Variants in ZNF385D observed in about 807,000 individuals in gnomAD.
ZNF385D encodes zinc finger protein 385D, also known as zinc finger protein 659.
ZNF385D carries 15 observed loss-of-function variants against 35.8 expected under a neutral mutation model. The ratio of observed to expected loss-of-function variants is 0.42; its 90% CI spans 0.28 to 0.64. The LOEUF (loss-of-function observed/expected upper bound fraction) is 0.64, where lower values mean the gene tolerates loss of function less well. Among genes scored for constraint, ZNF385D ranks in the 30% least tolerant of loss-of-function variants. The pLI, the probability that ZNF385D is intolerant of heterozygous loss-of-function variation, is 0.23. For missense variants in ZNF385D, 474 were observed against 494.6 expected (o/e 0.96, Z 0.39); for synonymous variants, 212 against 186.8 (o/e 1.13, Z -1.10).
chr3:22,294,275 C>T (rs1702454157), intron 2 of ZNF385D, among the ~76,000 whole-genome samples: 1 of 151,940 alleles, frequency 6.6e-6, no homozygotes, highest in South Asian at 2.1e-4. Flanking sequence ...TTTTAGCTTC[C>T]CCACAATTTG....
At chr3:21,784,650 A>G (rs1176581960) in intron 3 of ZNF385D, among the ~76,000 whole-genome samples, 2 of 151,894 alleles carry the variant, frequency 1.3e-5, no homozygotes, top group African/African-American at 2.4e-5. Flanking sequence ...TAATTAATTA[A>G]TGTATTTTTA....
intron 3 of ZNF385D, among the ~76,000 whole-genome samples, chr3:21,889,126 A>G (rs1698705693): frequency 6.6e-6 from 1 of 152,208 alleles, no homozygotes; most frequent in Non-Finnish European, 1.5e-5. Context: ...AACAACTGAC[A>G]CTGAAATAGA....
chr3:21,689,574 T>A (rs1332818839), intron 1 of ZNF385D, among the ~76,000 whole-genome samples: 5 of 152,172 alleles, frequency 3.3e-5, no homozygotes, highest in African/African-American at 1.2e-4. Flanking sequence ...CATATGCATT[T>A]AGTTCACAGG....
intron 3 of ZNF385D, among the ~76,000 whole-genome samples, chr3:22,007,415 C>T (rs1354676862): frequency 6.6e-6 from 1 of 152,092 alleles, no homozygotes; most frequent in Non-Finnish European, 1.5e-5. Context: ...GTTTGTTTTC[C>T]AAATTTGCAA....
At chr3:21,725,680 G>A (rs1042608916) in intron 1 of ZNF385D, among the ~76,000 whole-genome samples, 4 of 152,098 alleles carry the variant, frequency 2.6e-5, no homozygotes, top group African/African-American at 9.7e-5. Context: ...TGAAATTGAT[G>A]AATAGTTAAT....
chr3:21,501,609 C>A (rs1010373035), intron 4 of ZNF385D, among the ~76,000 whole-genome samples: 1 of 152,196 alleles, frequency 6.6e-6, no homozygotes, highest in African/African-American at 2.4e-5. Context: ...TAATTGTCTG[C>A]ATGTTTTCAT....
intron 4 of ZNF385D, among the ~76,000 whole-genome samples, chr3:21,449,591 GC>G (rs1272550743): frequency 6.6e-6 from 1 of 152,094 alleles, no homozygotes; most frequent in Non-Finnish European, 1.5e-5. Context: ...AAATTTAAAA[GC>G]TAGCACTGTG....
intron 2 of ZNF385D, among the ~76,000 whole-genome samples, chr3:22,319,392 T>C (rs1276809903): frequency 6.6e-6 from 1 of 151,800 alleles, no homozygotes; most frequent in Non-Finnish European, 1.5e-5. Flanking sequence ...TTAAATTATA[T>C]GCAATATTGA....
chr3:21,975,949 G>A (rs1367343563), intron 3 of ZNF385D, among the ~76,000 whole-genome samples: 5 of 152,064 alleles, frequency 3.3e-5, no homozygotes, highest in Non-Finnish European at 7.4e-5. Context: ...TACTTGAAGG[G>A]TAATATGAAG....
intron 3 of ZNF385D, among the ~76,000 whole-genome samples, chr3:21,931,250 T>A (rs1030900958): frequency 3.3e-5 from 5 of 152,134 alleles, no homozygotes; most frequent in African/African-American, 1.2e-4. Flanking sequence ...ATATATAATT[T>A]TTTTACCCAC....
At chr3:21,562,788 A>T (rs2062998844) in intron 3 of ZNF385D, among the ~76,000 whole-genome samples, 1 of 151,304 alleles carries the variant, frequency 6.6e-6, no homozygotes. Flanking sequence ...ATCAAAGTTG[A>T]AGCTGTTGAG....
In ZNF385D at chr3:22,368,036, GA is replaced by G. The variant is rs574389485; in HGVS notation, c.106+4413del. Among the ~76,000 whole-genome samples the G allele has an allele frequency of 3.6e-4, 55 of 152,312 alleles. No homozygotes were observed. The East Asian group carries it at 0.01, about 28-fold the overall frequency. The stretch of plus-strand genomic sequence containing the variant: ...GAAGGAAAATGAAAATTCTCTTACT[GA>G]AAACTTCTCACTGAAAAGACCTGTT... On this transcript the variant is annotated intron_variant, in intron 2 of 5. Coordinates refer to the ZNF385D transcript ENST00000494108.
chr3:22,347,229 T>C (rs888447318), intron 2 of ZNF385D, among the ~76,000 whole-genome samples: 1 of 152,200 alleles, frequency 6.6e-6, no homozygotes, highest in African/African-American at 2.4e-5. Flanking sequence ...ACAATGCATT[T>C]AATTAAGTTT....
intron 3 of ZNF385D, among the ~76,000 whole-genome samples, chr3:21,792,203 C>T (rs2071959315): frequency 6.6e-6 from 1 of 152,132 alleles, no homozygotes; most frequent in South Asian, 2.1e-4. Context: ...GGGGCAGATA[C>T]ATTCTGATGC....
intron 3 of ZNF385D, among the ~76,000 whole-genome samples, chr3:21,996,662 TTACA>T (rs1228314058): frequency 6.6e-6 from 1 of 152,256 alleles, no homozygotes; most frequent in African/African-American, 2.4e-5. Context: ...AGACTTCAAC[TTACA>T]TACATTTTTT....
chr3:22,060,711 GAT>G (rs1367701680), intron 3 of ZNF385D, among the ~76,000 whole-genome samples: 1 of 151,930 alleles, frequency 6.6e-6, no homozygotes, highest in Non-Finnish European at 1.5e-5. Flanking sequence ...TAAAATTAAA[GAT>G]ATATAATATA....
At chr3:22,292,346 A>T (rs1350004849) in intron 2 of ZNF385D, among the ~76,000 whole-genome samples, 2 of 152,080 alleles carry the variant, frequency 1.3e-5, no homozygotes, top group Non-Finnish European at 2.9e-5. Flanking sequence ...GTTTCTTTAG[A>T]TATTTCACCA....
At chr3:22,002,189 G>A (rs774763387) in intron 3 of ZNF385D, among the ~76,000 whole-genome samples, 6 of 150,922 alleles carry the variant, frequency 4.0e-5, no homozygotes, top group African/African-American at 7.3e-5. Context: ...TAAAATTAAT[G>A]CACTATTAGC....
At chr3:22,353,595 T>G (rs1224391922) in intron 2 of ZNF385D, among the ~76,000 whole-genome samples, 2 of 152,150 alleles carry the variant, frequency 1.3e-5, no homozygotes, top group Admixed American at 6.6e-5. Flanking sequence ...CCCCCTTCCT[T>G]GTTGCAGTTA....
Sources: allele counts gnomAD v4.1 joint callset (sites outside exome capture counted in the v4.1 genomes callset), GRCh38; gene constraint gnomAD v4.1.1; transcripts MANE v1.5; gene names NCBI Gene and HGNC (gene_info 2026-07-23, HGNC 2026-07-21).